The following PPP2R3B variants were observed in gnomAD, a reference collection of about 807,000 sequenced individuals.
PPP2R3B encodes the protein serine/threonine-protein phosphatase 2A regulatory subunit B'' subunit beta.
PPP2R3B carries 68 observed loss-of-function variants against 72.9 expected under a neutral mutation model. The observed-to-expected ratio is 0.93, with a 90% CI of 0.77 to 1.14. The LOEUF is 1.14. Among genes scored for constraint, PPP2R3B ranks in the 50% most tolerant of loss-of-function variants. The probability of loss-of-function intolerance (pLI) is 0.00; values close to 1 mark genes in which losing one functional copy is unlikely to be tolerated. For missense variants in PPP2R3B, 1,018 were observed against 842.0 expected, an observed-to-expected ratio of 1.21 and a Z score of -2.59; for synonymous variants, 466 against 375.8, an observed-to-expected ratio of 1.24 and a Z score of -2.78.
At chrX:346,101 G>GGGAGGAGAGAGGA in intron 6 of PPP2R3B, 73 bp downstream of exon 6, 1 of 913,600 alleles carries the variant, frequency 1.1e-6, no homozygotes, top group East Asian at 3.3e-5. Context: ...GGGGGGAGGA[G>GGGAGGAGAGAGGA]GGAAGGGAAG....
At chrX:348,710 T>C (rs977568352) in intron 2 of PPP2R3B, among the ~76,000 whole-genome samples, 22 of 151,982 alleles carry the variant, frequency 1.4e-4, no homozygotes, top group Admixed American at 8.5e-4. Flanking sequence ...GATGAACAAG[T>C]CAAAAAATAA....
chrX:386,734 G>A lies in PPP2R3B; in HGVS notation c.-43C>T, dbSNP rs1334890278. The A allele has an allele frequency of 2.5e-6, 3 of 1,185,828 alleles. No individual in the cohort carries two copies. Among genetic ancestry groups the A allele is most frequent in the Admixed American group, 9.1e-5 (2 of 22,026 alleles). The allele number at this position is 1,185,828 out of a possible 1,614,324, so 73.5% of individuals were successfully genotyped here. ...CGGCGCCCCCGGACGCCCGCGCCCC[G>A]CCCCGCCCCGGGGGCTTCGGTCCGC... On this transcript the variant is annotated 5_prime_UTR_variant, in exon 1 of 13. Transcript: ENST00000390665.
chrX:334,712 G>A, intron 12 of PPP2R3B, 195 bp from the exon 13 acceptor site: 3 of 635,790 alleles, frequency 4.7e-6, no homozygotes, highest in East Asian at 3.4e-5. Context: ...CCCGGGGGAG[G>A]GGCCTGCGGT....
intron 8 of PPP2R3B, 93 bp from the exon 9 acceptor site, chrX:341,489 G>A: frequency 7.9e-7 from 1 of 1,259,602 alleles, no homozygotes; most frequent in Non-Finnish European, 1.2e-6. Flanking sequence ...GGTGAGGGGA[G>A]CCCCCCGGGC....
At chrX:363,621 T>C (rs36145747) in intron 1 of PPP2R3B, among the ~76,000 whole-genome samples, 10,252 of 89,274 alleles carry the variant, frequency 0.11, 1,041 homozygotes, top group Admixed American at 0.19. Context: ...ACAATGCATC[T>C]CCCCGAGCCC....
chrX:358,621 C>A (rs1323149675), intron 2 of PPP2R3B, among the ~76,000 whole-genome samples: 1 of 152,248 alleles, frequency 6.6e-6, no homozygotes, highest in East Asian at 1.9e-4. Context: ...TGACATCCAG[C>A]CAACGGACCA....
At chrX:384,274 CTCTCTCTCTA>C (rs1385912979) in intron 1 of PPP2R3B, among the ~76,000 whole-genome samples, 6 of 148,706 alleles carry the variant, frequency 4.0e-5, no homozygotes, top group African/African-American at 1.0e-4. Context: ...CTCTCTCTCT[CTCTCTCTCTA>C]TATATATATA....
In PPP2R3B at chrX:334,301, C is replaced by A; in HGVS notation, c.*66G>T. On this transcript the variant is annotated 3_prime_UTR_variant, in exon 13 of 13. Coordinates refer to ENST00000390665, the MANE Select transcript of PPP2R3B (RefSeq NM_013239.5). ...CTCATTTTCCACAACAGTTTTTACACGAGCCGCGGTGGCCCGGTGGTGGCA... is the reference window on the plus strand; with the variant it reads ...CTCATTTTCCACAACAGTTTTTACAAGAGCCGCGGTGGCCCGGTGGTGGCA... The A allele has an allele frequency of 1.4e-6, 2 of 1,409,570 alleles. No homozygotes were observed. The highest frequency in any genetic ancestry group is 1.5e-5 in the South Asian group (1 of 65,820). 87.3% of individuals were successfully genotyped at this position (1,409,570 alleles called of 1,614,324 possible).
intron 1 of PPP2R3B, among the ~76,000 whole-genome samples, chrX:364,523 AAAAAAAAAAAACAG>A (rs1392433089): frequency 1.4e-5 from 2 of 143,262 alleles, no homozygotes; most frequent in East Asian, 2.0e-4. Context: ...AAAAAAAACA[AAAAAAAAAAAACAG>A]AAAACAAAAA....
intron 11 of PPP2R3B, 24 bp from the exon 12 acceptor site, chrX:338,734 TACAC>T: frequency 6.2e-7 from 1 of 1,611,646 alleles, no homozygotes; most frequent in Non-Finnish European, 8.5e-7. Flanking sequence ...ACGGGTTACG[TACAC>T]GGCGTGGCGC....
intron 1 of PPP2R3B, among the ~76,000 whole-genome samples, chrX:381,761 G>A (rs1201956634): frequency 6.6e-6 from 1 of 151,870 alleles, no homozygotes; most frequent in Non-Finnish European, 1.5e-5. Context: ...ACCACGCCCG[G>A]CTAATTTTCT....
At chrX:353,491 A>G (rs2738399) in intron 2 of PPP2R3B, among the ~76,000 whole-genome samples, 29,881 of 152,100 alleles carry the variant, frequency 0.2, 3,453 homozygotes, top group Admixed American at 0.31. Context: ...GATGAGTTCT[A>G]CCAAACATTC....
At chrX:347,563 C>A (rs1303911406) in intron 3 of PPP2R3B, 27 bp downstream of exon 3, 1 of 1,555,928 alleles carries the variant, frequency 6.4e-7, no homozygotes, top group South Asian at 1.2e-5. Context: ...CCTCCCGACA[C>A]AGCCCCCTGC....
At chrX:337,836 A>G (rs1202917664) in intron 12 of PPP2R3B, 5 of 152,682 alleles carry the variant, frequency 3.3e-5, no homozygotes, top group African/African-American at 1.2e-4. Context: ...TGATGCTGGG[A>G]CAGTCGGACA....
intron 12 of PPP2R3B, chrX:335,452 G>A (rs2070862723): frequency 1.3e-5 from 2 of 152,272 alleles, no homozygotes; most frequent in Non-Finnish European, 2.9e-5. Flanking sequence ...AGGACAGACG[G>A]CCCAGGGTGG....
In PPP2R3B at chrX:345,545, G is replaced by A. The variant is rs1338520878; in HGVS notation, c.1007C>T (p.Ala336Val). Reference sequence around the variant, plus strand: ...GTCATTGTGCCGCGCCAGGTCGTCCGCGTCGATGAGCAGGTCGTGGTCCGT... The same window carrying A: ...GTCATTGTGCCGCGCCAGGTCGTCCACGTCGATGAGCAGGTCGTGGTCCGT... Reference protein sequence around the residue: ...LDTDHDLLIDADDLARHNDHA... With the variant: ...LDTDHDLLIDVDDLARHNDHA... The change falls in exon 7 of 13, where the codon GCG becomes GTG. Residue 336 changes from alanine to valine, a missense_variant. Transcript: ENST00000390665. 4 of 1,613,080 alleles carry A rather than the reference G, an allele frequency of 2.5e-6. No homozygotes were observed. Among genetic ancestry groups the A allele is most frequent in the East Asian group, 2.2e-5 (1 of 44,846 alleles).
intron 12 of PPP2R3B, chrX:335,706 G>C (rs28654078): frequency 2.6e-5 from 4 of 152,092 alleles, no homozygotes; most frequent in Non-Finnish European, 5.9e-5. Context: ...CCTGGGAAGA[G>C]GAGTGAACCT....
intron 5 of PPP2R3B, 40 bp downstream of exon 5, chrX:346,661 C>A: frequency 6.4e-7 from 1 of 1,572,872 alleles, no homozygotes; most frequent in Non-Finnish European, 8.7e-7. Flanking sequence ...AACACCCGCG[C>A]CCCGCGCTGG....
intron 9 of PPP2R3B, 153 bp downstream of exon 9, chrX:341,154 C>T (rs1432395955): frequency 1.2e-5 from 3 of 246,708 alleles, no homozygotes; most frequent in Admixed American, 6.7e-5. Context: ...GCACATGTCC[C>T]CCTGTGCCGT....
Sources: gnomAD v4.1 joint callset for allele counts (sites outside exome capture counted in the v4.1 genomes callset) on GRCh38, gnomAD v4.1.1 for gene constraint, MANE v1.5 for transcripts, NCBI Gene and HGNC (gene_info 2026-07-23, HGNC 2026-07-21) for gene names.